Variants in NKAIN2 observed in about 807,000 individuals in gnomAD.
NKAIN2 encodes the protein sodium/potassium-transporting ATPase subunit beta-1-interacting protein 2.
Under a neutral mutation model 32.6 loss-of-function variants are expected in NKAIN2, and 14 were observed. The ratio of observed to expected loss-of-function variants is 0.43; its 90% CI spans 0.28 to 0.67. NKAIN2 has a LOEUF of 0.67. Among genes scored for constraint, NKAIN2 ranks in the 30% least tolerant of loss-of-function variants. The probability of loss-of-function intolerance (pLI) is 0.17; values close to 1 mark genes in which losing one functional copy is unlikely to be tolerated. For missense variants in NKAIN2, 198 were observed against 258.3 expected (o/e 0.77, Z 1.60); for synonymous variants, 80 against 87.2 (o/e 0.92, Z 0.46).
At position 123,804,188 on chromosome 6, in the gene NKAIN2, G is replaced by C. The variant is rs762506596; in HGVS notation, c.-13G>C. 1.2e-6 allele frequency: 2 copies of C among 1,613,444 alleles called. No homozygotes were observed. Among genetic ancestry groups the C allele is most frequent in the South Asian group, 2.2e-5 (2 of 91,068 alleles). On this transcript the variant is annotated 5_prime_UTR_variant, in exon 1 of 7. Coordinates refer to ENST00000368417, the MANE Select transcript of NKAIN2 (RefSeq NM_001040214.3). ...CGTGGGACAGTCTGGCTGTGGCAGGGGTCTCGGAAACCATGGGTTATTGCA... is the reference window on the plus strand; with the variant it reads ...CGTGGGACAGTCTGGCTGTGGCAGGCGTCTCGGAAACCATGGGTTATTGCA...
At chr6:124,575,398 C>T (rs1047516482) in intron 3 of NKAIN2, among the ~76,000 whole-genome samples, 4 of 152,188 alleles carry the variant, frequency 2.6e-5, no homozygotes, top group Admixed American at 6.5e-5. Context: ...TAAATTGCTG[C>T]CTCGTTGCAA....
chr6:124,578,922 A>G (rs1250597329), intron 3 of NKAIN2, among the ~76,000 whole-genome samples: 3 of 152,202 alleles, frequency 2.0e-5, no homozygotes, highest in Non-Finnish European at 4.4e-5. Context: ...GGAGAAAATA[A>G]GGGAAGAGAA....
intron 3 of NKAIN2, among the ~76,000 whole-genome samples, chr6:124,464,578 T>G (rs1482161801): frequency 1.3e-5 from 2 of 152,110 alleles, no homozygotes; most frequent in African/African-American, 4.8e-5. Context: ...TTAATTAGAT[T>G]ATCATTAATT....
At chr6:124,725,615 T>TA (rs781033075) in intron 4 of NKAIN2, among the ~76,000 whole-genome samples, 12 of 152,190 alleles carry the variant, frequency 7.9e-5, no homozygotes, top group Non-Finnish European at 1.3e-4. Flanking sequence ...TTCCAAATGA[T>TA]ACAGTGGGGT....
rs182728045 is a variant in NKAIN2, at chr6:124,711,775, T to C, written c.474+53389T>C. Among the ~76,000 whole-genome samples the C allele has an allele frequency of 5.6e-3, 857 of 152,284 alleles. 11 individuals carry two copies. Among genetic ancestry groups the C allele is most frequent in the Admixed American group, 7.7e-3 (118 of 15,300 alleles). ...TGCCTTTGGTTTGAATGTCCTCCCA[T>C]AGCTCAGAGTAATTTGATTGTCTGA... On this transcript the variant is annotated intron_variant, in intron 4 of 6. Coordinates refer to ENST00000368417, the MANE Select transcript of NKAIN2 (RefSeq NM_001040214.3).
chr6:124,785,863 G>A (rs1779477631), intron 4 of NKAIN2, among the ~76,000 whole-genome samples: 2 of 152,202 alleles, frequency 1.3e-5, no homozygotes. Flanking sequence ...GGAGAAGAGA[G>A]TGTCTGCCTT....
At chr6:124,122,354 C>T (rs915276731) in intron 1 of NKAIN2, among the ~76,000 whole-genome samples, 1 of 151,934 alleles carries the variant, frequency 6.6e-6, no homozygotes, top group Non-Finnish European at 1.5e-5. Flanking sequence ...GATAAGCAAG[C>T]ATATGTTCAA....
chr6:123,996,784 T>G (rs1331307622), intron 1 of NKAIN2, among the ~76,000 whole-genome samples: 1 of 152,142 alleles, frequency 6.6e-6, no homozygotes, highest in Non-Finnish European at 1.5e-5. Flanking sequence ...ATCTTGAAAC[T>G]TTTTCTTCTT....
At chr6:124,384,612 A>G (rs1583165451) in intron 3 of NKAIN2, among the ~76,000 whole-genome samples, 1 of 148,544 alleles carries the variant, frequency 6.7e-6, no homozygotes, top group Middle Eastern at 3.5e-3. Context: ...CAATAGTTTG[A>G]CTCTCTTGCA....
At chr6:123,978,643 G>T (rs566006825) in intron 1 of NKAIN2, among the ~76,000 whole-genome samples, 8 of 152,200 alleles carry the variant, frequency 5.3e-5, no homozygotes, top group Admixed American at 3.3e-4. Context: ...AACACAGAGG[G>T]TTTTAAAATT....
intron 3 of NKAIN2, among the ~76,000 whole-genome samples, chr6:124,394,356 A>C (rs1450683801): frequency 6.6e-6 from 1 of 152,144 alleles, no homozygotes; most frequent in Non-Finnish European, 1.5e-5. Context: ...CTTTAACAGC[A>C]TAATACTATA....
intron 3 of NKAIN2, among the ~76,000 whole-genome samples, chr6:124,405,961 C>T (rs542871210): frequency 6.6e-6 from 1 of 151,638 alleles, no homozygotes; most frequent in South Asian, 2.1e-4. Context: ...CTCTGACTAG[C>T]TTGATGCAGT....
At chr6:123,884,585 G>T (rs1773625264) in intron 1 of NKAIN2, among the ~76,000 whole-genome samples, 1 of 152,044 alleles carries the variant, frequency 6.6e-6, no homozygotes, top group African/African-American at 2.4e-5. Flanking sequence ...TGGCCTAAGA[G>T]AAATTTAGCA....
At chr6:124,251,012 C>G (rs1187739846) in intron 1 of NKAIN2, among the ~76,000 whole-genome samples, 3 of 151,862 alleles carry the variant, frequency 2.0e-5, no homozygotes, top group Non-Finnish European at 2.9e-5. Context: ...AGAATAAACA[C>G]AGGTAAACTT....
chr6:124,184,223 G>A (rs1038139066), intron 1 of NKAIN2, among the ~76,000 whole-genome samples: 1 of 151,924 alleles, frequency 6.6e-6, no homozygotes, highest in African/African-American at 2.4e-5. Context: ...TTCATCTTCT[G>A]TGTTCATCCT....
chr6:124,654,499 T>G (rs1407450665), intron 3 of NKAIN2, among the ~76,000 whole-genome samples: 1 of 151,642 alleles, frequency 6.6e-6, no homozygotes, highest in Non-Finnish European at 1.5e-5. Context: ...TCTGGAGAAA[T>G]GAAAAATAAA....
At chr6:124,360,900 G>A (rs1799259889) in intron 3 of NKAIN2, among the ~76,000 whole-genome samples, 1 of 152,140 alleles carries the variant, frequency 6.6e-6, no homozygotes, top group Non-Finnish European at 1.5e-5. Flanking sequence ...GTTTGAAATT[G>A]CCTTTGGGCA....
intron 1 of NKAIN2, among the ~76,000 whole-genome samples, chr6:124,061,632 A>G (rs941056525): frequency 3.3e-5 from 5 of 152,000 alleles, no homozygotes; most frequent in Admixed American, 3.3e-4. Flanking sequence ...ATGTTTTAAC[A>G]ATTTTTAAAG....
intron 3 of NKAIN2, among the ~76,000 whole-genome samples, chr6:124,626,627 A>C (rs1583544612): frequency 1.3e-5 from 2 of 152,298 alleles, no homozygotes; most frequent in Middle Eastern, 3.4e-3. Flanking sequence ...GGAATTACTG[A>C]TATCAAGACA....
Sources: allele counts gnomAD v4.1 joint callset (sites outside exome capture counted in the v4.1 genomes callset), GRCh38; gene constraint gnomAD v4.1.1; transcripts MANE v1.5; gene names NCBI Gene and HGNC (gene_info 2026-07-23, HGNC 2026-07-21).